Variants in MED15 observed in about 807,000 individuals in gnomAD.
MED15 encodes the protein mediator of RNA polymerase II transcription subunit 15.
MED15 carries 41 observed loss-of-function variants against 118.7 expected under a neutral mutation model. That is an observed-to-expected ratio of 0.35 (90% CI 0.27 to 0.45). The LOEUF (loss-of-function observed/expected upper bound fraction) is 0.45. MED15 is among the 20% of genes least tolerant of loss of function. MED15 has a pLI of 1.00. For missense variants in MED15, 740 were observed against 1,025.5 expected (o/e 0.72, Z 3.80); for synonymous variants, 436 against 413.9 (o/e 1.05, Z -0.65).
At chr22:20,551,780 T>C (rs563310066) in intron 3 of MED15, 93 of 452,726 alleles carry the variant, frequency 2.1e-4, no homozygotes, top group African/African-American at 1.8e-3. Context: ...TTCATAGGGC[T>C]GTTGTTTTTA....
chr22:20,536,996 G>C, intron 1 of MED15, 121 bp from the exon 2 acceptor site: 4 of 787,192 alleles, frequency 5.1e-6, no homozygotes, highest in Non-Finnish European at 4.1e-6. Flanking sequence ...CAGCCAGGCT[G>C]GTGTGCTGGC....
intron 2 of MED15, among the ~76,000 whole-genome samples, chr22:20,543,449 T>A (rs1468041074): frequency 1.3e-5 from 2 of 151,020 alleles, no homozygotes; most frequent in Non-Finnish European, 2.9e-5. Context: ...TGACCTCAAG[T>A]GATCTGCCTG....
At chr22:20,560,562 C>CTAT in intron 5 of MED15, among the ~76,000 whole-genome samples, 1 of 152,186 alleles carries the variant, frequency 6.6e-6, no homozygotes, top group African/African-American at 2.4e-5. Context: ...CGCGCCTGGC[C>CTAT]TATTATTATT....
intron 8 of MED15, among the ~76,000 whole-genome samples, chr22:20,570,742 C>CTTTTTTT (rs2040762086): frequency 1.2e-5 from 1 of 81,222 alleles, no homozygotes; most frequent in Admixed American, 1.5e-4. Flanking sequence ...TTCTTTCTTT[C>CTTTTTTT]TTTCTTTTTT....
At chr22:20,570,776 T>G (rs1332052661) in intron 8 of MED15, among the ~76,000 whole-genome samples, 31 of 113,566 alleles carry the variant, frequency 2.7e-4, no homozygotes, top group Admixed American at 3.8e-4. Flanking sequence ...TTTTTTTTTT[T>G]GACAGAGTCT....
chr22:20,544,745 C>T (rs1010397474), intron 2 of MED15, among the ~76,000 whole-genome samples: 1 of 152,186 alleles, frequency 6.6e-6, no homozygotes, highest in Non-Finnish European at 1.5e-5. Flanking sequence ...GGGTAAAAAT[C>T]GCAGTGGCAG....
intron 1 of MED15, among the ~76,000 whole-genome samples, chr22:20,510,354 C>T (rs191306356): frequency 6.6e-6 from 1 of 152,294 alleles, no homozygotes; most frequent in African/African-American, 2.4e-5. Flanking sequence ...CCACTGCTAT[C>T]CCGCCTAGTG....
chr22:20,570,684 C>T (rs1429390621), intron 8 of MED15, among the ~76,000 whole-genome samples: 1 of 151,370 alleles, frequency 6.6e-6, no homozygotes. Flanking sequence ...AGCCATCGCA[C>T]CCAGCCTAGA....
chr22:20,552,047 G>A (rs1339854766), intron 3 of MED15, among the ~76,000 whole-genome samples: 5 of 152,232 alleles, frequency 3.3e-5, no homozygotes. Flanking sequence ...CTACAGAAAT[G>A]AGTTGTCATT....
intron 4 of MED15, chr22:20,554,111 G>A (rs1230825949): frequency 6.6e-6 from 1 of 152,334 alleles, no homozygotes; most frequent in East Asian, 1.9e-4. Context: ...TGCCCATGTG[G>A]GTCTCACCTC....
chr22:20,579,227 G>T (rs1237867717), intron 9 of MED15, among the ~76,000 whole-genome samples: 1 of 152,188 alleles, frequency 6.6e-6, no homozygotes, highest in African/African-American at 2.4e-5. Flanking sequence ...CCTCCCCAGA[G>T]CCTAGAGCCT....
chr22:20,535,609 A>T (rs1360818164), intron 1 of MED15, among the ~76,000 whole-genome samples: 2 of 149,466 alleles, frequency 1.3e-5, no homozygotes, highest in African/African-American at 2.5e-5. Flanking sequence ...GCCCAGGCTG[A>T]AGTGCAGTGG....
chr22:20,515,803 G>T (rs2054232034), intron 1 of MED15, among the ~76,000 whole-genome samples: 1 of 150,692 alleles, frequency 6.6e-6, no homozygotes, highest in Non-Finnish European at 1.5e-5. Flanking sequence ...AAAATATATA[G>T]ACCAACCTGG....
chr22:20,565,548 G>T (rs1028109218), intron 6 of MED15, among the ~76,000 whole-genome samples: 1 of 152,216 alleles, frequency 6.6e-6, no homozygotes, highest in Non-Finnish European at 1.5e-5. Flanking sequence ...CTCACAGCAG[G>T]TCTTGGTTGG....
At chr22:20,522,163 A>G (rs1601463633) in intron 1 of MED15, 1 of 152,232 alleles carries the variant, frequency 6.6e-6, no homozygotes, top group Non-Finnish European at 1.5e-5. Flanking sequence ...GGCTTTGGTC[A>G]TGTCTTCTGG....
chr22:20,568,600 AGGCTGCCCAGATGGTGGCTCC>A lies in MED15; in HGVS notation c.1122_1142del (p.Gln374_Pro381delinsHis). ...CAGCAGACAGCAGTACAGACAGCTC[AGGCTGCCCAGATGGTGGCTCC>A]CGGAGTCCAGGTGAGGGCCTGGGGG... On this transcript the variant is annotated inframe_deletion, in exon 8 of 18. Transcript: ENST00000263205. The A allele has an allele frequency of 6.2e-7, 1 of 1,613,742 alleles. No individual in the cohort carries two copies. Among genetic ancestry groups the A allele is most frequent in the Non-Finnish European group, 8.5e-7 (1 of 1,179,986 alleles).
intron 1 of MED15, among the ~76,000 whole-genome samples, chr22:20,510,858 A>C (rs5756526): frequency 0.32 from 48,407 of 151,950 alleles, 8,760 homozygotes; most frequent in African/African-American, 0.5. Context: ...ATTCCTTTTG[A>C]CATGTAATGT....
At chr22:20,579,094 T>C (rs1201297598) in intron 9 of MED15, among the ~76,000 whole-genome samples, 1 of 152,200 alleles carries the variant, frequency 6.6e-6, no homozygotes, top group Non-Finnish European at 1.5e-5. Context: ...GCAGGCAGTG[T>C]CTTTCTCACT....
chr22:20,537,077 A>G, intron 1 of MED15, 40 bp from the exon 2 acceptor site: 3 of 1,585,950 alleles, frequency 1.9e-6, no homozygotes, highest in Non-Finnish European at 2.6e-6. Context: ...CGGTGGAGTC[A>G]CTGGTGTGTG....
Sources: allele counts gnomAD v4.1 joint callset (sites outside exome capture counted in the v4.1 genomes callset), GRCh38; gene constraint gnomAD v4.1.1; transcripts MANE v1.5; gene names NCBI Gene and HGNC (gene_info 2026-07-23, HGNC 2026-07-21).